LAPTM4B: variants seen among roughly 807,000 people sequenced by gnomAD.
LAPTM4B encodes lysosomal protein transmembrane 4 beta.
A neutral mutation model predicts 28.5 loss-of-function variants in LAPTM4B; 26 were observed. The ratio of observed to expected loss-of-function variants is 0.91; its 90% CI spans 0.67 to 1.27. The LOEUF is 1.27. Among genes scored for constraint, LAPTM4B ranks in the 50% most tolerant of loss-of-function variants. The pLI is 0.00. For synonymous variants in LAPTM4B, 109 were observed against 106.4 expected (o/e 1.02, Z -0.15); for missense variants, 288 against 285.8 (o/e 1.01, Z -0.06).
At chr8:97,845,256 T>C (rs1817409454) in intron 6 of LAPTM4B, among the ~76,000 whole-genome samples, 1 of 152,192 alleles carries the variant, frequency 6.6e-6, no homozygotes, top group African/African-American at 2.4e-5. Flanking sequence ...TATTGTTCAG[T>C]GCAGAGTTCT....
chr8:97,816,674 C>G (rs545086102), intron 4 of LAPTM4B, among the ~76,000 whole-genome samples: 7 of 152,160 alleles, frequency 4.6e-5, no homozygotes, highest in South Asian at 2.1e-4. Flanking sequence ...AATTATAGTC[C>G]AGTTACTAAT....
intron 2 of LAPTM4B, among the ~76,000 whole-genome samples, chr8:97,809,939 A>T (rs1436351588): frequency 8.6e-5 from 13 of 152,026 alleles, no homozygotes. Context: ...TTAAAAATTT[A>T]TTTTTGAGGC....
In LAPTM4B at chr8:97,852,366, C is replaced by G. The variant is rs1563626851; in HGVS notation, c.*892C>G. 6.6e-6 allele frequency: 1 copy of G among 152,214 alleles called. No homozygotes were observed. The allele number at this position is 152,214 out of a possible 1,614,324, so 9.4% of individuals were successfully genotyped here. A position where few individuals can be genotyped will look rare whatever the true frequency, so the allele number is the denominator to read the frequency against. On this transcript the variant is annotated 3_prime_UTR_variant, in exon 7 of 7. Transcript: ENST00000521545. ...AAAAGGGTTTTCTTTTCCCTGCAAG[C>G]TACATCCTACTGCTTTGAACTTCCA...
chr8:97,826,401 A>T, intron 6 of LAPTM4B, among the ~76,000 whole-genome samples: 1 of 151,508 alleles, frequency 6.6e-6, no homozygotes. Flanking sequence ...TTAAAATATC[A>T]CTCCTGGGTC....
At chr8:97,782,534 G>C (rs1434613833) in intron 1 of LAPTM4B, among the ~76,000 whole-genome samples, 2 of 151,526 alleles carry the variant, frequency 1.3e-5, no homozygotes, top group Non-Finnish European at 2.9e-5. Flanking sequence ...TGCCTCCCGG[G>C]TTCAAGCGAT....
At chr8:97,799,909 A>G (rs1586325980) in intron 1 of LAPTM4B, among the ~76,000 whole-genome samples, 1 of 152,098 alleles carries the variant, frequency 6.6e-6, no homozygotes, top group African/African-American at 2.4e-5. Flanking sequence ...GGCATTGCTC[A>G]TACTTGGAAT....
intron 1 of LAPTM4B, among the ~76,000 whole-genome samples, chr8:97,803,757 C>T (rs1478593768): frequency 6.6e-6 from 1 of 151,858 alleles, no homozygotes; most frequent in African/African-American, 2.4e-5. Flanking sequence ...GCGATCCTCC[C>T]ACCTCAGCCT....
chr8:97,817,847 C>T (rs1181836581), intron 4 of LAPTM4B, among the ~76,000 whole-genome samples: 4 of 152,086 alleles, frequency 2.6e-5, no homozygotes, highest in Non-Finnish European at 5.9e-5. Flanking sequence ...ACCTTGGCCT[C>T]CCAAAGTGCT....
At chr8:97,823,344 G>GTTTTTTTTTTTTTTTTTTTTTTTTTTT (rs10561869) in intron 5 of LAPTM4B, among the ~76,000 whole-genome samples, 2 of 109,340 alleles carry the variant, frequency 1.8e-5, no homozygotes, top group Non-Finnish European at 2.0e-5. Context: ...ATACAATATG[G>GTTTTTTTTTTTTTTTTTTTTTTTTTTT]TTTTTTTTTT....
At chr8:97,831,323 G>A (rs1386902517) in intron 6 of LAPTM4B, among the ~76,000 whole-genome samples, 1 of 152,136 alleles carries the variant, frequency 6.6e-6, no homozygotes, top group African/African-American at 2.4e-5. Context: ...CAACCCATCT[G>A]GTAAAGGTAT....
At chr8:97,788,471 A>C in intron 1 of LAPTM4B, 1 of 184,508 alleles carries the variant, frequency 5.4e-6, no homozygotes, top group Non-Finnish European at 1.1e-5. Context: ...CTGGTCTCCA[A>C]CTCCTGACCT....
At chr8:97,803,254 T>C (rs931274439) in intron 1 of LAPTM4B, among the ~76,000 whole-genome samples, 1 of 151,582 alleles carries the variant, frequency 6.6e-6, no homozygotes, top group African/African-American at 2.4e-5. Flanking sequence ...AAATAACCAA[T>C]TGGGATTGTC....
At position 97,841,667 on chromosome 8, in the gene LAPTM4B, C is replaced by T. The variant is rs540586206; in HGVS notation, c.604-9730C>T. Among the ~76,000 whole-genome samples the T allele has an allele frequency of 6.6e-5, 10 of 152,282 alleles. No homozygotes were observed. The South Asian group carries it at 8.3e-4, about 13-fold the overall frequency. ...CCCAGACTTTGTATTTCTGATTATTCGATCCCAAATGCCCAAATAACTCTG... is the reference window on the plus strand; with the variant it reads ...CCCAGACTTTGTATTTCTGATTATTTGATCCCAAATGCCCAAATAACTCTG... On this transcript the variant is annotated intron_variant, in intron 6 of 6. Coordinates refer to ENST00000521545, the MANE Select transcript of LAPTM4B (RefSeq NM_018407.6).
At chr8:97,823,259 G>A (rs186436309) in intron 5 of LAPTM4B, among the ~76,000 whole-genome samples, 1 of 152,176 alleles carries the variant, frequency 6.6e-6, no homozygotes, top group Admixed American at 6.5e-5. Context: ...GGAGTGTGTA[G>A]TAGGTGAATG....
At chr8:97,777,458 T>A (rs1033198158) in intron 1 of LAPTM4B, among the ~76,000 whole-genome samples, 14 of 151,854 alleles carry the variant, frequency 9.2e-5, no homozygotes, top group African/African-American at 2.9e-4. Context: ...CCGAGAAAAA[T>A]TCTTATCTCT....
intron 1 of LAPTM4B, among the ~76,000 whole-genome samples, chr8:97,780,161 A>T (rs1586316679): frequency 6.6e-6 from 1 of 152,054 alleles, no homozygotes; most frequent in African/African-American, 2.4e-5. Flanking sequence ...ACGGTGGCTC[A>T]TACCTGTAAT....
At chr8:97,828,255 G>A (rs1157970992) in intron 6 of LAPTM4B, among the ~76,000 whole-genome samples, 1 of 152,146 alleles carries the variant, frequency 6.6e-6, no homozygotes, top group East Asian at 1.9e-4. Context: ...TGCTTCAAGC[G>A]GGATTAGGGG....
chr8:97,813,903 G>T (rs1361661636), intron 2 of LAPTM4B, among the ~76,000 whole-genome samples: 1 of 151,968 alleles, frequency 6.6e-6, no homozygotes. Flanking sequence ...CCAGATCTAG[G>T]AAAAGCAGTT....
intron 2 of LAPTM4B, among the ~76,000 whole-genome samples, chr8:97,809,847 A>C (rs1816800779): frequency 6.6e-6 from 1 of 152,216 alleles, no homozygotes; most frequent in Non-Finnish European, 1.5e-5. Context: ...CTGGTAGAAG[A>C]AAGCTAAATT....
Sources: gnomAD v4.1 joint callset for allele counts (sites outside exome capture counted in the v4.1 genomes callset) on GRCh38, gnomAD v4.1.1 for gene constraint, MANE v1.5 for transcripts, NCBI Gene and HGNC (gene_info 2026-07-23, HGNC 2026-07-21) for gene names.